Variants in KCNC2 observed in about 807,000 individuals in gnomAD.
The protein encoded by KCNC2 is potassium voltage-gated channel subfamily C member 2.
Under a neutral mutation model 44.5 loss-of-function variants are expected in KCNC2, and 21 were observed. That is an observed-to-expected ratio of 0.47 (90% CI 0.33 to 0.68). The LOEUF is 0.68. Among genes scored for constraint, KCNC2 ranks in the 30% least tolerant of loss-of-function variants. The pLI, the probability that KCNC2 is intolerant of heterozygous loss-of-function variation, is 0.01. For synonymous variants in KCNC2, 391 were observed against 339.1 expected (o/e 1.15, Z -1.68); for missense variants, 589 against 826.2 (o/e 0.71, Z 3.52).
intron 2 of KCNC2, among the ~76,000 whole-genome samples, chr12:75,206,178 T>C (rs969407003): frequency 2.0e-5 from 3 of 152,212 alleles, no homozygotes; most frequent in Non-Finnish European, 4.4e-5. Flanking sequence ...ATAATGAAGA[T>C]AGAGCCAAAG....
rs534780462 is a variant in KCNC2, at chr12:75,133,868, C to T, written c.687+73429G>A. Among the ~76,000 whole-genome samples the T allele has an allele frequency of 4.6e-5, 7 of 151,788 alleles. No individual in the cohort carries two copies. The East Asian group carries it at 5.8e-4, about 13-fold the overall frequency. ...AAGAGAGTGATGAAACAAACAGACACGGTCTTGCTTTAAATAGAATAACAG... is the reference window on the plus strand; with the variant it reads ...AAGAGAGTGATGAAACAAACAGACATGGTCTTGCTTTAAATAGAATAACAG... On this transcript the variant is annotated intron_variant, in intron 2 of 4. Coordinates refer to ENST00000549446, the MANE Select transcript of KCNC2 (RefSeq NM_139137.4).
intron 2 of KCNC2, among the ~76,000 whole-genome samples, chr12:75,160,232 G>T (rs1161691599): frequency 6.6e-6 from 1 of 151,820 alleles, no homozygotes; most frequent in Admixed American, 6.6e-5. Context: ...GACATGTACA[G>T]AGGAAAGACC....
intron 2 of KCNC2, among the ~76,000 whole-genome samples, chr12:75,086,681 AATAT>A (rs398044519): frequency 1.1e-4 from 6 of 54,204 alleles, no homozygotes; most frequent in Non-Finnish European, 1.8e-4. Flanking sequence ...AAAAAAAAAA[AATAT>A]ATATATATAT....
chr12:75,193,243 G>A (rs2030464863), intron 2 of KCNC2, among the ~76,000 whole-genome samples: 2 of 152,134 alleles, frequency 1.3e-5, no homozygotes, highest in Non-Finnish European at 2.9e-5. Flanking sequence ...TCACAGGGAT[G>A]AAAAACAGGA....
chr12:75,089,692 C>T (rs1428897212), intron 2 of KCNC2, among the ~76,000 whole-genome samples: 2 of 151,792 alleles, frequency 1.3e-5, no homozygotes, highest in African/African-American at 4.8e-5. Context: ...GAATTATGGT[C>T]TCCAAACTGC....
chr12:75,110,536 C>T (rs1887147432), intron 2 of KCNC2, among the ~76,000 whole-genome samples: 2 of 151,968 alleles, frequency 1.3e-5, no homozygotes, highest in African/African-American at 4.8e-5. Flanking sequence ...AAGAAGGCAA[C>T]AAATATCAAC....
intron 2 of KCNC2, among the ~76,000 whole-genome samples, chr12:75,117,415 C>A (rs141955151): frequency 2.6e-5 from 4 of 152,294 alleles, no homozygotes; most frequent in Admixed American, 2.0e-4. Context: ...AAAAAGACTG[C>A]AACACTGACT....
chr12:75,065,386 T>A (rs1322474401), intron 2 of KCNC2, among the ~76,000 whole-genome samples: 1 of 152,064 alleles, frequency 6.6e-6, no homozygotes, highest in African/African-American at 2.4e-5. Flanking sequence ...AATTTTAACA[T>A]CACTTTGAAA....
At chr12:75,181,032 T>A (rs979581754) in intron 2 of KCNC2, among the ~76,000 whole-genome samples, 1 of 152,144 alleles carries the variant, frequency 6.6e-6, no homozygotes, top group Non-Finnish European at 1.5e-5. Flanking sequence ...AGTAAAGTGT[T>A]CAAAATAAAT....
intron 2 of KCNC2, among the ~76,000 whole-genome samples, chr12:75,139,632 T>C (rs1178684161): frequency 6.6e-6 from 1 of 152,202 alleles, no homozygotes. Flanking sequence ...TGGTAGCTAT[T>C]ATAACTCTTC....
intron 2 of KCNC2, among the ~76,000 whole-genome samples, chr12:75,128,567 T>C (rs1302527526): frequency 1.3e-5 from 2 of 152,138 alleles, no homozygotes; most frequent in Non-Finnish European, 2.9e-5. Context: ...TTTAGATTTT[T>C]ACATTTATAC....
chr12:75,048,741 G>A (rs1307879472), intron 3 of KCNC2, among the ~76,000 whole-genome samples: 1 of 152,076 alleles, frequency 6.6e-6, no homozygotes, highest in Non-Finnish European at 1.5e-5. Flanking sequence ...TTTTTTAAGA[G>A]ACATGCTTTT....
At chr12:75,206,515 A>C (rs2031699530) in intron 2 of KCNC2, among the ~76,000 whole-genome samples, 1 of 152,222 alleles carries the variant, frequency 6.6e-6, no homozygotes, top group African/African-American at 2.4e-5. Flanking sequence ...TTAAAAGTAA[A>C]ATAAAGTTTG....
At chr12:75,048,339 T>C in intron 3 of KCNC2, 22 bp from the exon 4 acceptor site, 1 of 1,587,528 alleles carries the variant, frequency 6.3e-7, no homozygotes, top group Non-Finnish European at 8.6e-7. Flanking sequence ...ACCATGCCCA[T>C]TGACAGACAG....
chr12:75,134,108 G>A (rs572025540), intron 2 of KCNC2, among the ~76,000 whole-genome samples: 2 of 151,898 alleles, frequency 1.3e-5, no homozygotes, highest in South Asian at 4.1e-4. Context: ...TATCTATTAT[G>A]GTATCCAGTG....
chr12:75,051,106 C>G lies in KCNC2; in HGVS notation c.899G>C (p.Arg300Pro). ...AAGTTTATTGGGTGAAAAAACAATA[C>G]GGACTAAAAATTCAAAAGTAAACCA... Reference protein sequence around the residue: ...VVWFTFEFLVRIVFSPNKLEF... With the variant: ...VVWFTFEFLVPIVFSPNKLEF... Residue 300 changes from arginine to proline, a missense_variant, in exon 3 of 5, where the codon CGT becomes CCT. Around this residue, in one of 7 missense-constraint regions of KCNC2, gnomAD observed 67 missense variants for 237.4 expected, o/e 0.28. Transcript: ENST00000549446. 1 of 1,613,168 alleles carries G rather than the reference C, an allele frequency of 6.2e-7. No individual in the cohort carries two copies. The highest frequency in any genetic ancestry group is 8.5e-7 in the Non-Finnish European group (1 of 1,179,318).
intron 2 of KCNC2, among the ~76,000 whole-genome samples, chr12:75,054,442 G>A (rs1265833838): frequency 6.6e-6 from 1 of 152,140 alleles, no homozygotes; most frequent in Non-Finnish European, 1.5e-5. Flanking sequence ...AGGAGGAAGA[G>A]CTGAAAATGT....
Position 75,050,395 on chromosome 12 carries a change from C to G in KCNC2, c.1610G>C (p.Arg537Thr). The change falls in exon 3 of 5, where the codon AGA (arginine) becomes ACA (threonine). Residue 537 changes from arginine (R) to threonine (T), a missense_variant. Physicochemically the swap from Arg to Thr is moderately conservative, Grantham distance 71 (BLOSUM62 -1). Transcript: ENST00000549446. ...GKDNRLLEHN[R>T]SVLSGDDSTG... ...CATTTGAAGTCCTGCCTTACCTGAT[C>G]TGTTATGTTCCAGAAGTCGATTGTC... 6.2e-7 allele frequency: 1 copy of G among 1,604,782 alleles called. No homozygotes were observed. The highest frequency in any genetic ancestry group is 8.5e-7 in the Non-Finnish European group (1 of 1,173,922).
Position 75,065,587 on chromosome 12 carries a change from T to A in KCNC2, c.688-14270A>T, listed in dbSNP as rs546892117. 4.1e-4 allele frequency among the ~76,000 whole-genome samples: 62 copies of A among 152,212 alleles called. 4 individuals carry two copies. Among genetic ancestry groups the A allele is most frequent in the Admixed American group, 2.6e-4 (4 of 15,286 alleles). ...TGTTTAGATATTCTTAGACACGCAA[T>A]ACTTACCATTGTGTTACAATTGCCT... On this transcript the variant is annotated intron_variant, in intron 2 of 4. Transcript: ENST00000549446.
Sources: allele counts gnomAD v4.1 joint callset (sites outside exome capture counted in the v4.1 genomes callset), GRCh38; gene constraint gnomAD v4.1.1; regional missense constraint gnomAD v4.1.1; transcripts MANE v1.5; gene names NCBI Gene and HGNC (gene_info 2026-07-23, HGNC 2026-07-21).